The following ARFGEF1 variants were observed in gnomAD, a reference collection of about 807,000 sequenced individuals.
The protein encoded by ARFGEF1 is brefeldin A-inhibited guanine nucleotide-exchange protein 1.
Under a neutral mutation model 231.0 loss-of-function variants are expected in ARFGEF1, and 42 were observed. That is an observed-to-expected ratio of 0.18 (90% CI 0.14 to 0.24). The LOEUF is 0.24. Among genes scored for constraint, ARFGEF1 ranks in the 10% least tolerant of loss-of-function variants. The probability of loss-of-function intolerance (pLI) is 1.00; values close to 1 mark genes in which losing one functional copy is unlikely to be tolerated. For synonymous variants in ARFGEF1, 710 were observed against 732.3 expected (o/e 0.97, Z 0.49); for missense variants, 1,345 against 2,192.0 (o/e 0.61, Z 7.72).
At chr8:67,312,774 G>A (rs1807133141) in intron 1 of ARFGEF1, among the ~76,000 whole-genome samples, 1 of 152,142 alleles carries the variant, frequency 6.6e-6, no homozygotes, top group South Asian at 2.1e-4. Context: ...ACTACAGAGA[G>A]GGAAGATAAA....
At chr8:67,311,272 G>A (rs1302187526) in intron 1 of ARFGEF1, among the ~76,000 whole-genome samples, 16 of 116,456 alleles carry the variant, frequency 1.4e-4, no homozygotes, top group East Asian at 2.9e-4. Flanking sequence ...CAGCCGCCCC[G>A]TCCGGGAGGG....
At chr8:67,302,746 G>A (rs911373198) in intron 1 of ARFGEF1, among the ~76,000 whole-genome samples, 11 of 151,236 alleles carry the variant, frequency 7.3e-5, no homozygotes, top group African/African-American at 1.2e-4. Flanking sequence ...TTCCTTTTTC[G>A]TCAAGTAACT....
downstream of ARFGEF1, among the ~76,000 whole-genome samples, chr8:67,196,562 G>A (rs1373940300): frequency 5.9e-5 from 9 of 152,170 alleles, no homozygotes; most frequent in East Asian, 1.7e-3. Flanking sequence ...GTAATTAACG[G>A]TTGGTAGACA....
rs767811018 is a variant in ARFGEF1, at chr8:67,275,968, TA to T, written c.1337+7del. On this transcript the variant is annotated splice_region_variant and intron_variant, in intron 9 of 38. Coordinates refer to ENST00000262215, the MANE Select transcript of ARFGEF1 (RefSeq NM_006421.5). Reference sequence around the variant, plus strand: ...TCTATTTGTCAGGCAAAACAGTTAATAACTTACTTTGGATCTGGTGGTCCAT... The same window carrying T: ...TCTATTTGTCAGGCAAAACAGTTAATACTTACTTTGGATCTGGTGGTCCAT... 1 of 1,612,962 alleles carries T rather than the reference TA, an allele frequency of 6.2e-7. No homozygotes were observed. The highest frequency in any genetic ancestry group is 2.2e-5 in the East Asian group (1 of 44,802).
chr8:67,195,155 T>C (rs976239731), downstream of ARFGEF1, among the ~76,000 whole-genome samples: 1 of 152,186 alleles, frequency 6.6e-6, no homozygotes, highest in Non-Finnish European at 1.5e-5. Context: ...GCTTACTCAG[T>C]TGATCATTTT....
chr8:67,223,390 T>C (rs150521992), intron 29 of ARFGEF1, among the ~76,000 whole-genome samples: 2 of 152,178 alleles, frequency 1.3e-5, no homozygotes, highest in East Asian at 3.9e-4. Context: ...TTCAAAGAGA[T>C]GGGGTCTCAC....
intron 29 of ARFGEF1, among the ~76,000 whole-genome samples, chr8:67,222,143 T>C (rs1216903396): frequency 6.8e-6 from 1 of 147,056 alleles, no homozygotes; most frequent in African/African-American, 2.5e-5. Flanking sequence ...TATGCCATGT[T>C]TTTACTGTAC....
intron 23 of ARFGEF1, among the ~76,000 whole-genome samples, chr8:67,228,609 TTC>T (rs1375658967): frequency 6.6e-6 from 1 of 152,106 alleles, no homozygotes; most frequent in Non-Finnish European, 1.5e-5. Flanking sequence ...ACACTACAGA[TTC>T]TTTCCTGATT....
At chr8:67,222,584 G>A (rs1839235202) in intron 29 of ARFGEF1, among the ~76,000 whole-genome samples, 1 of 152,044 alleles carries the variant, frequency 6.6e-6, no homozygotes, top group Non-Finnish European at 1.5e-5. Context: ...CTAAGTAGCT[G>A]CGATTACAGG....
intron 29 of ARFGEF1, among the ~76,000 whole-genome samples, chr8:67,219,924 C>T (rs1049526149): frequency 5.9e-5 from 9 of 152,150 alleles, no homozygotes; most frequent in Non-Finnish European, 1.3e-4. Flanking sequence ...AATACATATA[C>T]AGCAGTCTAA....
At chr8:67,283,821 CAA>C (rs761161654) in intron 7 of ARFGEF1, among the ~76,000 whole-genome samples, 55 of 152,242 alleles carry the variant, frequency 3.6e-4, no homozygotes, top group Non-Finnish European at 7.4e-4. Context: ...GGTAAAAACT[CAA>C]AATCTTTTAG....
intron 23 of ARFGEF1, among the ~76,000 whole-genome samples, chr8:67,230,801 C>A (rs185116938): frequency 6.6e-6 from 1 of 152,156 alleles, no homozygotes; most frequent in Admixed American, 6.6e-5. Flanking sequence ...ATAAAAAATT[C>A]TATCCTAGCA....
At position 67,216,666 on chromosome 8, in the gene ARFGEF1, T is replaced by C. The variant is rs1434373750; in HGVS notation, c.4614-4A>G. Reference sequence around the variant, plus strand: ...ATTGGGTCGCCAGGTCAACAGCCTTTAAGATACCAAAACCACGTCAATCAC... The same window carrying C: ...ATTGGGTCGCCAGGTCAACAGCCTTCAAGATACCAAAACCACGTCAATCAC... On this transcript the variant is annotated splice_polypyrimidine_tract_variant and splice_region_variant and intron_variant, in intron 32 of 38. Transcript: ENST00000262215. The C allele has an allele frequency of 6.2e-7, 1 of 1,600,544 alleles. No individual in the cohort carries two copies. The highest frequency in any genetic ancestry group is 8.5e-7 in the Non-Finnish European group (1 of 1,176,560).
chr8:67,199,306 T>C, intron 38 of ARFGEF1: 1 of 492,226 alleles, frequency 2.0e-6, no homozygotes, highest in Non-Finnish European at 3.5e-6. Flanking sequence ...TATCCTTATT[T>C]TGAAAAACAT....
At chr8:67,311,651 C>A (rs1176539770) in intron 1 of ARFGEF1, among the ~76,000 whole-genome samples, 1 of 149,380 alleles carries the variant, frequency 6.7e-6, no homozygotes, top group East Asian at 2.0e-4. Flanking sequence ...CCGCCCCGTC[C>A]GGGAGGTGAG....
chr8:67,182,223 G>C (rs546094222), intron 5 of ARFGEF1, among the ~76,000 whole-genome samples: 1 of 151,994 alleles, frequency 6.6e-6, no homozygotes, highest in Non-Finnish European at 1.5e-5. Context: ...GGTTGGTCGC[G>C]AACTCTTGAG....
intron 1 of ARFGEF1, among the ~76,000 whole-genome samples, chr8:67,333,012 C>T (rs939879262): frequency 6.6e-6 from 1 of 151,716 alleles, no homozygotes; most frequent in African/African-American, 2.4e-5. Flanking sequence ...ATTCTTTTTC[C>T]TCCTATTATT....
intron 28 of ARFGEF1, 86 bp downstream of exon 28, chr8:67,225,937 C>T: frequency 7.6e-7 from 1 of 1,312,350 alleles, no homozygotes; most frequent in Non-Finnish European, 1.0e-6. Context: ...ATAAATGCTT[C>T]ATATACCCTC....
chr8:67,303,657 T>C (rs1346608851), intron 1 of ARFGEF1, among the ~76,000 whole-genome samples: 2 of 151,270 alleles, frequency 1.3e-5, no homozygotes, highest in African/African-American at 2.4e-5. Flanking sequence ...GAGGTTGCAG[T>C]GAGCCAAAAT....
Sources: allele counts gnomAD v4.1 joint callset (sites outside exome capture counted in the v4.1 genomes callset), GRCh38; gene constraint gnomAD v4.1.1; transcripts MANE v1.5; gene names NCBI Gene and HGNC (gene_info 2026-07-23, HGNC 2026-07-21).